TIAM2: variants seen among roughly 807,000 people sequenced by gnomAD.
TIAM2 encodes the protein TIAM Rac1 associated GEF 2, also known as rho guanine nucleotide exchange factor TIAM2.
TIAM2 carries 80 observed loss-of-function variants against 152.9 expected under a neutral mutation model. The observed-to-expected ratio is 0.52, with a 90% CI of 0.44 to 0.63. The LOEUF (loss-of-function observed/expected upper bound fraction) is 0.63. Ranked by LOEUF, TIAM2 falls within the 30% of genes least tolerant of loss-of-function variation. The pLI is 0.00. For synonymous variants in TIAM2, 804 were observed against 838.0 expected (o/e 0.96, Z 0.70); for missense variants, 1,965 against 2,120.1 (o/e 0.93, Z 1.44).
At chr6:155,044,644 G>C (rs138387780) in intron 1 of TIAM2, among the ~76,000 whole-genome samples, 1 of 151,918 alleles carries the variant, frequency 6.6e-6, no homozygotes. Context: ...GTGAAACCCC[G>C]TCTCTACTAA....
chr6:155,179,125 T>C lies in TIAM2; in HGVS notation c.2610T>C (p.Tyr870=), dbSNP rs535848922. The change falls in exon 11 of 27, where the codon TAT becomes TAC. Residue 870 remains tyrosine (Y), a synonymous_variant. Coordinates refer to ENST00000682666, the MANE Select transcript of TIAM2 (RefSeq NM_012454.4). ...TTGAGTATTGCATCCCTGCACCATA[T>C]GAATATATGCAACAACAGGTAAGTG... ...DNVEYCIPAP[Y]EYMQQQVYDE... is the part of the protein sequence containing the mutation. The C allele has an allele frequency of 2.5e-6, 4 of 1,613,772 alleles. No homozygotes were observed. The African/African-American group carries it at 5.3e-5, about 22-fold the overall frequency.
At chr6:155,159,544 A>G (rs1780210266) in intron 7 of TIAM2, among the ~76,000 whole-genome samples, 1 of 152,208 alleles carries the variant, frequency 6.6e-6, no homozygotes, top group Non-Finnish European at 1.5e-5. Context: ...AACTGCTGAG[A>G]AATGAAGGTA....
intron 2 of TIAM2, among the ~76,000 whole-genome samples, chr6:155,126,226 A>G (rs548951666): frequency 2.4e-4 from 37 of 152,086 alleles, no homozygotes; most frequent in African/African-American, 8.2e-4. Flanking sequence ...CCAGTTGCAA[A>G]AAGACAAATG....
intron 1 of TIAM2, among the ~76,000 whole-genome samples, chr6:155,047,740 A>C (rs1777229298): frequency 6.9e-6 from 1 of 145,654 alleles, no homozygotes; most frequent in African/African-American, 2.6e-5. Context: ...AGAGAGAGAG[A>C]GAGAGCGAGC....
At chr6:155,236,986 C>T (rs1279950556) in intron 15 of TIAM2, among the ~76,000 whole-genome samples, 1 of 152,174 alleles carries the variant, frequency 6.6e-6, no homozygotes, top group Non-Finnish European at 1.5e-5. Context: ...CAACAGTCCC[C>T]CAAAGTCTCA....
chr6:155,045,050 C>CTTTTTTTTTT (rs200620585), intron 1 of TIAM2, among the ~76,000 whole-genome samples: 1 of 132,056 alleles, frequency 7.6e-6, no homozygotes, highest in African/African-American at 2.8e-5. Flanking sequence ...TTTTCTTTTT[C>CTTTTTTTTTT]TTTTTTTTTT....
intron 1 of TIAM2, among the ~76,000 whole-genome samples, chr6:155,018,389 C>A (rs1043622538): frequency 3.3e-5 from 5 of 151,662 alleles, no homozygotes; most frequent in Admixed American, 1.3e-4. Context: ...ATTACAGTGG[C>A]CAGGTGGATC....
chr6:155,122,802 C>T (rs1047158297), intron 2 of TIAM2, among the ~76,000 whole-genome samples: 1 of 151,416 alleles, frequency 6.6e-6, no homozygotes, highest in East Asian at 1.9e-4. Flanking sequence ...GGTGACTGTA[C>T]GTATACATAC....
At chr6:155,245,476 A>C (rs1310390333) in intron 18 of TIAM2, 147 bp from the exon 19 acceptor site, 1 of 671,552 alleles carries the variant, frequency 1.5e-6, no homozygotes, top group Non-Finnish European at 2.6e-6. Flanking sequence ...GCTGTTCCCC[A>C]CCTCCTGTGT....
chr6:155,237,697 T>C (rs1782838755), intron 15 of TIAM2, among the ~76,000 whole-genome samples: 1 of 152,272 alleles, frequency 6.6e-6, no homozygotes, highest in African/African-American at 2.4e-5. Context: ...GGCTTGAGAC[T>C]TGCACCCTCT....
chr6:155,256,020 G>A (rs76058666), intron 26 of TIAM2: 1,981 of 86,442 alleles, frequency 0.023, 14 homozygotes, highest in Non-Finnish European at 0.03. Context: ...TAAAAAAAAA[G>A]GGGGGGGGAG....
intron 14 of TIAM2, among the ~76,000 whole-genome samples, chr6:155,199,046 TAAAAAA>T (rs1781418725): frequency 6.6e-6 from 1 of 150,682 alleles, no homozygotes; most frequent in Non-Finnish European, 1.5e-5. Context: ...AAACCACAAC[TAAAAAA>T]GGACAGTAAC....
intron 15 of TIAM2, among the ~76,000 whole-genome samples, chr6:155,211,879 C>T (rs1405824678): frequency 1.3e-5 from 2 of 152,110 alleles, no homozygotes; most frequent in African/African-American, 4.8e-5. Flanking sequence ...TCTCTATTTC[C>T]CCTGCTTTCA....
intron 1 of TIAM2, among the ~76,000 whole-genome samples, chr6:155,029,513 C>CTATAGTATACTATAG (rs1202455648): frequency 9.1e-5 from 2 of 22,056 alleles, no homozygotes; most frequent in Non-Finnish European, 1.6e-4. Context: ...ATAATATATA[C>CTATAGTATACTATAG]TATATATTAT....
intron 1 of TIAM2, among the ~76,000 whole-genome samples, chr6:155,017,590 G>A (rs543887055): frequency 2.4e-4 from 35 of 144,934 alleles, no homozygotes; most frequent in African/African-American, 5.4e-4. Context: ...TGCAACCTCC[G>A]CCTCCTGGGT....
chr6:155,125,143 C>T (rs959176314), intron 2 of TIAM2, among the ~76,000 whole-genome samples: 2 of 151,976 alleles, frequency 1.3e-5, no homozygotes, highest in African/African-American at 4.8e-5. Flanking sequence ...TGGTGGCGGG[C>T]ACTTGTAATC....
At chr6:155,158,005 T>G (rs1246718429) in intron 7 of TIAM2, among the ~76,000 whole-genome samples, 5 of 152,220 alleles carry the variant, frequency 3.3e-5, no homozygotes, top group Non-Finnish European at 7.3e-5. Flanking sequence ...CTGTTAAACT[T>G]GAGTGTCATC....
intron 15 of TIAM2, among the ~76,000 whole-genome samples, chr6:155,212,177 A>G (rs1425518952): frequency 6.6e-6 from 1 of 152,192 alleles, no homozygotes; most frequent in African/African-American, 2.4e-5. Flanking sequence ...TGTTGGTGTA[A>G]GAGTTATCTG....
chr6:155,201,236 C>CT (rs796917151), intron 14 of TIAM2, among the ~76,000 whole-genome samples: 6 of 152,280 alleles, frequency 3.9e-5, no homozygotes, highest in South Asian at 2.1e-4. Flanking sequence ...CTCAAATTTT[C>CT]TTTTTTCCGT....
Sources: allele counts gnomAD v4.1 joint callset (sites outside exome capture counted in the v4.1 genomes callset), GRCh38; gene constraint gnomAD v4.1.1; transcripts MANE v1.5; gene names NCBI Gene and HGNC (gene_info 2026-07-23, HGNC 2026-07-21).